Variants in ATP6V0A2 observed in about 807,000 individuals in gnomAD.
ATP6V0A2 encodes the protein ATPase H+ transporting V0 subunit a2.
In ATP6V0A2, 58 loss-of-function variants were observed where a neutral mutation model predicts 104.4. The ratio of observed to expected loss-of-function variants is 0.56; its 90% confidence interval spans 0.45 to 0.69. ATP6V0A2 has a LOEUF of 0.69. Among genes scored for constraint, ATP6V0A2 ranks in the 30% least tolerant of loss-of-function variants. The pLI is 0.00. For synonymous variants in ATP6V0A2, 376 were observed against 397.9 expected (o/e 0.95, Z 0.65); for missense variants, 938 against 1,062.9 (o/e 0.88, Z 1.63).
At chr12:123,729,089 G>A (rs1407724628) in intron 6 of ATP6V0A2, among the ~76,000 whole-genome samples, 5 of 152,114 alleles carry the variant, frequency 3.3e-5, no homozygotes, top group East Asian at 1.9e-4. Context: ...CAGGTTTTCA[G>A]CTTCCTCATT....
At chr12:123,712,773 A>T in intron 1 of ATP6V0A2, 91 bp downstream of exon 1, 1 of 1,102,760 alleles carries the variant, frequency 9.1e-7, no homozygotes, top group Middle Eastern at 2.1e-4. Context: ...GGGAGCACCG[A>T]GGAAGGGCGC....
At chr12:123,721,540 G>A (rs1956399877) in intron 2 of ATP6V0A2, 1 of 186,480 alleles carries the variant, frequency 5.4e-6, no homozygotes, top group South Asian at 1.1e-4. Flanking sequence ...TGTGGTCTGA[G>A]GTGCCATCAT....
intron 9 of ATP6V0A2, among the ~76,000 whole-genome samples, chr12:123,739,469 A>G (rs567643037): frequency 6.6e-6 from 1 of 152,270 alleles, no homozygotes; most frequent in East Asian, 1.9e-4. Context: ...TTGTGTCTAC[A>G]GGATGCCTTT....
intron 16 of ATP6V0A2, 103 bp from the exon 17 acceptor site, chr12:123,752,180 A>G (rs1593918645): frequency 3.9e-6 from 6 of 1,519,168 alleles, no homozygotes; most frequent in Non-Finnish European, 5.4e-6. Flanking sequence ...TTTTATTCTC[A>G]AAGAGCTGAA....
intron 18 of ATP6V0A2, among the ~76,000 whole-genome samples, chr12:123,755,552 TAA>T (rs1361631383): frequency 4.7e-5 from 5 of 107,412 alleles, no homozygotes; most frequent in South Asian, 3.1e-4. Context: ...AAAAAAAAGC[TAA>T]AAAAAAAAAA....
At position 123,756,867 on chromosome 12, in the gene ATP6V0A2, C is replaced by A. The variant is rs772983149; in HGVS notation, c.2346C>A (p.Asp782Glu). The A allele has an allele frequency of 5.6e-6, 9 of 1,614,118 alleles. No individual in the cohort carries two copies. The Admixed American group carries it at 1.5e-4, about 27-fold the overall frequency. The change falls in exon 19 of 20, where the codon GAC becomes GAA. Residue 782 changes from aspartate (D) to glutamate (E), a missense_variant. Physicochemically the swap from Asp to Glu is conservative, Grantham distance 45. Transcript: ENST00000330342. ...TGATGCGCGTGGGCCTCCGCGTTGA[C>A]ACCACCTATGGCGTCTTGCTACTGC... Reference protein sequence around the residue: ...AMLMRVGLRVDTTYGVLLLLP... With the variant: ...AMLMRVGLRVETTYGVLLLLP...
chr12:123,737,054 C>T lies in ATP6V0A2; in HGVS notation c.826-5C>T, dbSNP rs1593903077. The T allele has an allele frequency of 7.4e-6, 12 of 1,614,096 alleles. No homozygotes were observed. In the East Asian group the frequency reaches 2.7e-4, roughly 36 times the overall value. On this transcript the variant is annotated splice_region_variant and splice_polypyrimidine_tract_variant and intron_variant, in intron 8 of 19. Coordinates refer to ENST00000330342, the MANE Select transcript of ATP6V0A2 (RefSeq NM_012463.4). ...CCACTGAAAGCCCCTGTTGTTCTTC[C>T]CCAGGTACTGCACAAAACCGAGGAC...
rs572244179 is a variant in ATP6V0A2 at position 123,744,210 on chromosome 12, C to T, written c.1199C>T (p.Thr400Ile). The T allele has an allele frequency of 1.2e-6, 2 of 1,614,184 alleles. No individual in the cohort carries two copies. Among genetic ancestry groups the T allele is most frequent in the Admixed American group, 1.7e-5 (1 of 60,026 alleles). ...TCCCTTTTTTCTGCAGCTCTCTTTA[C>T]CATCATCACCTTCCCGTTTTTATTT... is the stretch of plus-strand genomic sequence containing the variant. Reference protein sequence around the residue: ...SYREVNPALFTIITFPFLFAV... With the variant: ...SYREVNPALFIIITFPFLFAV... Residue 400 changes from threonine to isoleucine, a missense_variant, in exon 11 of 20, where the codon ACC becomes ATC. Coordinates refer to ENST00000330342, the MANE Select transcript of ATP6V0A2 (RefSeq NM_012463.4). The surrounding 1 kb of genome is among the most constrained non-coding windows in gnomAD (Gnocchi z 5.4).
Position 123,744,979 on chromosome 12 carries a change from G to C in ATP6V0A2, c.1605+7G>C. The C allele has an allele frequency of 6.2e-7, 1 of 1,613,454 alleles. No individual in the cohort carries two copies. Among genetic ancestry groups the C allele is most frequent in the East Asian group, 2.2e-5 (1 of 44,878 alleles). ...TCCCCTTGGCATTGATCCTGTGAGT[G>C]CACCACGCTCTGTCGTTGTCTCTGG... On this transcript the variant is annotated splice_region_variant and intron_variant, in intron 13 of 19. Coordinates refer to ENST00000330342, the MANE Select transcript of ATP6V0A2 (RefSeq NM_012463.4). This position sits in a 1 kb window ranked among gnomAD's most constrained non-coding sequence, Gnocchi z 5.4.
chr12:123,713,906 A>G (rs1037856670), intron 1 of ATP6V0A2, among the ~76,000 whole-genome samples: 1 of 152,156 alleles, frequency 6.6e-6, no homozygotes, highest in Non-Finnish European at 1.5e-5. Flanking sequence ...GATCAGCCCC[A>G]TAAGGCAGTT....
intron 9 of ATP6V0A2, among the ~76,000 whole-genome samples, chr12:123,740,526 A>C (rs7398082): frequency 0.6 from 91,018 of 152,042 alleles, 27,986 homozygotes; most frequent in East Asian, 0.95. Context: ...TGTGTCTCTT[A>C]ACGTGGTCTT....
At chr12:123,727,603 T>A (rs1350324251) in intron 5 of ATP6V0A2, among the ~76,000 whole-genome samples, 180 bp from the exon 6 acceptor site, 1 of 152,168 alleles carries the variant, frequency 6.6e-6, no homozygotes, top group African/African-American at 2.4e-5. Flanking sequence ...TACAAGCTCA[T>A]CTCTACCTTT....
intron 16 of ATP6V0A2, among the ~76,000 whole-genome samples, chr12:123,751,887 G>T: frequency 7.9e-6 from 1 of 126,334 alleles, no homozygotes; most frequent in African/African-American, 2.9e-5. Context: ...TGAGACTGGA[G>T]TCTTCGTCTG....
chr12:123,748,845 T>C, intron 15 of ATP6V0A2, 60 bp downstream of exon 15: 1 of 1,499,938 alleles, frequency 6.7e-7, no homozygotes, highest in African/African-American at 1.4e-5. Flanking sequence ...TCTTTTATTC[T>C]GAGCAGTAGA....
intron 6 of ATP6V0A2, among the ~76,000 whole-genome samples, chr12:123,728,386 C>T (rs1397964014): frequency 6.9e-6 from 1 of 145,888 alleles, no homozygotes; most frequent in East Asian, 2.0e-4. Context: ...TGTGAGCCTC[C>T]TCACCTGGCT....
intron 18 of ATP6V0A2, 84 bp from the exon 19 acceptor site, chr12:123,756,729 CAG>C (rs1274192686): frequency 2.8e-6 from 4 of 1,439,272 alleles, no homozygotes; most frequent in East Asian, 2.3e-5. Context: ...TCAGGGCCGT[CAG>C]GGGGAAACTC....
At chr12:123,743,656 A>G (rs996302664) in intron 9 of ATP6V0A2, 129 bp from the exon 10 acceptor site, 65 of 1,144,902 alleles carry the variant, frequency 5.7e-5, no homozygotes, top group South Asian at 9.1e-5. Context: ...TCCGTCTCAA[A>G]AAAAAACAAA....
intron 8 of ATP6V0A2, among the ~76,000 whole-genome samples, chr12:123,736,620 T>A (rs1956556622): frequency 6.6e-6 from 1 of 152,198 alleles, no homozygotes; most frequent in Non-Finnish European, 1.5e-5. Flanking sequence ...GCATGAAGTG[T>A]CCTTCTGACT....
intron 4 of ATP6V0A2, among the ~76,000 whole-genome samples, chr12:123,725,287 T>A (rs1194110236): frequency 6.6e-6 from 1 of 152,180 alleles, no homozygotes; most frequent in East Asian, 1.9e-4. Context: ...TTATATGACT[T>A]TAAATAAAGT....
Sources: allele counts gnomAD v4.1 joint callset (sites outside exome capture counted in the v4.1 genomes callset), GRCh38; gene constraint gnomAD v4.1.1; non-coding constraint Gnocchi (gnomAD v3.1); transcripts MANE v1.5; gene names NCBI Gene and HGNC (gene_info 2026-07-23, HGNC 2026-07-21).